The following KAZN variants were observed in gnomAD, a reference collection of about 807,000 sequenced individuals.
KAZN encodes the protein kazrin.
Under a neutral mutation model 87.4 loss-of-function variants are expected in KAZN, and 40 were observed. The observed-to-expected ratio is 0.46, with a 90% CI of 0.36 to 0.60. The LOEUF (loss-of-function observed/expected upper bound fraction) is 0.60. Among genes scored for constraint, KAZN ranks in the 20% least tolerant of loss-of-function variants. The pLI is 0.00. For missense variants in KAZN, 898 were observed against 1,073.9 expected (o/e 0.84, Z 2.29); for synonymous variants, 466 against 458.3 (o/e 1.02, Z -0.22).
At chr1:14,474,966 G>C (rs1429046785) in intron 2 of KAZN, among the ~76,000 whole-genome samples, 1 of 152,136 alleles carries the variant, frequency 6.6e-6, no homozygotes, top group Non-Finnish European at 1.5e-5. Flanking sequence ...TTGGATGGAT[G>C]GATAGATGGA....
At chr1:14,206,168 A>G (rs1646739857) in intron 2 of KAZN, among the ~76,000 whole-genome samples, 1 of 152,200 alleles carries the variant, frequency 6.6e-6, no homozygotes, top group African/African-American at 2.4e-5. Flanking sequence ...CAGTAATATA[A>G]CTATGTAAGA....
chr1:14,586,260 T>C (rs1429141755), intron 2 of KAZN, among the ~76,000 whole-genome samples: 1 of 152,200 alleles, frequency 6.6e-6, no homozygotes. Context: ...AACAGAGTGA[T>C]CAGAAGTAGA....
At chr1:14,292,321 C>G (rs995935147) in intron 2 of KAZN, among the ~76,000 whole-genome samples, 4 of 152,172 alleles carry the variant, frequency 2.6e-5, no homozygotes, top group Non-Finnish European at 5.9e-5. Flanking sequence ...GTAGAGAACA[C>G]AGAGAGGGAG....
chr1:14,479,350 T>C (rs533646317), intron 2 of KAZN, among the ~76,000 whole-genome samples: 26 of 152,326 alleles, frequency 1.7e-4, no homozygotes, highest in South Asian at 8.3e-4. Context: ...TATGCAGCTA[T>C]GGTTCGCCAT....
At chr1:14,332,024 A>G (rs1411415940) in intron 2 of KAZN, among the ~76,000 whole-genome samples, 1 of 152,190 alleles carries the variant, frequency 6.6e-6, no homozygotes, top group Non-Finnish European at 1.5e-5. Flanking sequence ...AAAGGGCCAG[A>G]AAGGAAAAAT....
At chr1:14,430,429 G>A (rs1345855090) in intron 2 of KAZN, among the ~76,000 whole-genome samples, 2 of 152,130 alleles carry the variant, frequency 1.3e-5, no homozygotes, top group Admixed American at 6.6e-5. Flanking sequence ...AAAGAAATTA[G>A]CCAAGGGTCT....
intron 2 of KAZN, among the ~76,000 whole-genome samples, chr1:14,302,892 G>A (rs1337215160): frequency 6.6e-6 from 1 of 152,156 alleles, no homozygotes; most frequent in Non-Finnish European, 1.5e-5. Flanking sequence ...ATGGTTTGAT[G>A]GGGTTCAGTG....
chr1:14,686,640 C>G (rs1387679184), intron 1 of KAZN, among the ~76,000 whole-genome samples: 3 of 152,216 alleles, frequency 2.0e-5, no homozygotes, highest in African/African-American at 7.2e-5. Flanking sequence ...AGCAGAAACT[C>G]TAGGCACCCT....
chr1:14,156,918 T>C (rs966323907), intron 1 of KAZN, among the ~76,000 whole-genome samples: 10 of 151,838 alleles, frequency 6.6e-5, no homozygotes, highest in Admixed American at 3.9e-4. Flanking sequence ...TTGTTTTTTT[T>C]TTTTTTTTCC....
intron 2 of KAZN, among the ~76,000 whole-genome samples, chr1:14,346,757 A>G (rs185059043): frequency 3.9e-5 from 6 of 152,294 alleles, no homozygotes; most frequent in African/African-American, 1.4e-4. Context: ...AATCATGCAT[A>G]TGCACTAAGA....
At chr1:14,516,348 C>G (rs1168036446) in intron 2 of KAZN, among the ~76,000 whole-genome samples, 1 of 152,198 alleles carries the variant, frequency 6.6e-6, no homozygotes, top group South Asian at 2.1e-4. Flanking sequence ...AGCATCTCTT[C>G]TCACCGGCAG....
chr1:14,189,759 A>T (rs1646385333), intron 2 of KAZN, among the ~76,000 whole-genome samples: 1 of 152,184 alleles, frequency 6.6e-6, no homozygotes, highest in South Asian at 2.1e-4. Flanking sequence ...CCGAGGCCAG[A>T]GTGAGTGTGA....
At chr1:14,113,874 G>A (rs1021274134) in intron 1 of KAZN, among the ~76,000 whole-genome samples, 1 of 152,228 alleles carries the variant, frequency 6.6e-6, no homozygotes, top group Non-Finnish European at 1.5e-5. Context: ...GAGCAAAGAC[G>A]CCAGTGGGGC....
chr1:14,465,957 A>C (rs1178747573), intron 2 of KAZN, among the ~76,000 whole-genome samples: 1 of 152,166 alleles, frequency 6.6e-6, no homozygotes, highest in Non-Finnish European at 1.5e-5. Context: ...AGGTACACAC[A>C]AATACTCCTC....
chr1:14,699,262 C>T (rs879895187), intron 1 of KAZN, among the ~76,000 whole-genome samples: 3 of 152,168 alleles, frequency 2.0e-5, no homozygotes, highest in Non-Finnish European at 4.4e-5. Context: ...TCTCAGGTGG[C>T]ACCCAGGTGG....
At chr1:14,855,657 G>T (rs3856273) in intron 1 of KAZN, among the ~76,000 whole-genome samples, 1 of 152,030 alleles carries the variant, frequency 6.6e-6, no homozygotes, top group Admixed American at 6.5e-5. Context: ...GCTGTTCTGC[G>T]CAGGAAAGGG....
intron 2 of KAZN, among the ~76,000 whole-genome samples, chr1:14,396,975 C>G (rs546995650): frequency 6.6e-6 from 1 of 152,170 alleles, no homozygotes; most frequent in African/African-American, 2.4e-5. Context: ...ATGTCTCCAT[C>G]TCTATTCCTA....
intron 1 of KAZN, among the ~76,000 whole-genome samples, chr1:14,652,037 G>C (rs1278234048): frequency 6.6e-6 from 1 of 152,190 alleles, no homozygotes; most frequent in Non-Finnish European, 1.5e-5. Context: ...GGACATTTTG[G>C]TACTGAAATG....
At chr1:15,001,918 T>G (rs1466978362) in intron 2 of KAZN, among the ~76,000 whole-genome samples, 3 of 132,674 alleles carry the variant, frequency 2.3e-5, no homozygotes, top group Non-Finnish European at 4.6e-5. Flanking sequence ...TCTCGCTCTG[T>G]CGCCCAGGCT....
Sources: gnomAD v4.1 joint callset for allele counts (sites outside exome capture counted in the v4.1 genomes callset) on GRCh38, gnomAD v4.1.1 for gene constraint, MANE v1.5 for transcripts, NCBI Gene and HGNC (gene_info 2026-07-23, HGNC 2026-07-21) for gene names.